CHLSN: variants seen among roughly 807,000 people sequenced by gnomAD.
CHLSN encodes the protein cholesin.
the CHLSN span, among the ~76,000 whole-genome samples, chr7:1,114,022 C>T: frequency 6.6e-6 from 1 of 152,224 alleles, no homozygotes; most frequent in Non-Finnish European, 1.5e-5. Flanking sequence ...AGTTAAATGT[C>T]CTCTTGTTGC....
At chr7:1,086,150 G>A in the CHLSN span, among the ~76,000 whole-genome samples, 2 of 152,268 alleles carry the variant, frequency 1.3e-5, no homozygotes, top group Admixed American at 6.5e-5. Context: ...GCACGTGAGT[G>A]GAGAGCTTGG....
At chr7:980,703 T>C in the CHLSN span, among the ~76,000 whole-genome samples, 4 of 149,538 alleles carry the variant, frequency 2.7e-5, no homozygotes, top group Non-Finnish European at 4.5e-5. Context: ...TTTTTTTTTT[T>C]TTGAGATGGA....
the CHLSN span, among the ~76,000 whole-genome samples, chr7:1,071,137 G>A: frequency 6.6e-6 from 1 of 152,238 alleles, no homozygotes; most frequent in African/African-American, 2.4e-5. Flanking sequence ...TCCACTCATA[G>A]AGGCCCCGCA....
At chr7:1,044,820 G>C in the CHLSN span, among the ~76,000 whole-genome samples, 1 of 152,244 alleles carries the variant, frequency 6.6e-6, no homozygotes, top group African/African-American at 2.4e-5. Flanking sequence ...CCGTGCCCTT[G>C]CCAGGAGGGG....
At chr7:1,000,501 C>A in the CHLSN span, 5 of 1,608,856 alleles carry the variant, frequency 3.1e-6, no homozygotes, top group Non-Finnish European at 4.2e-6. Context: ...CAGCAGGAGC[C>A]ACGTCTGCCT....
the CHLSN span, among the ~76,000 whole-genome samples, chr7:1,018,590 G>A: frequency 2.4e-4 from 37 of 152,334 alleles, no homozygotes; most frequent in East Asian, 6.0e-3. Flanking sequence ...GCACGCGGGC[G>A]GGTGGGGTCC....
chr7:1,041,231 G>GCTGCGGGGAAGGGGACCTGGGCTCCGCA, the CHLSN span, among the ~76,000 whole-genome samples: 2 of 145,492 alleles, frequency 1.4e-5, no homozygotes, highest in Non-Finnish European at 3.1e-5. Context: ...TGGGCTCCGC[G>GCTGCGGGGAAGGGGACCTGGGCTCCGCA]CTGCGGGGAA....
chr7:1,016,894 G>A, the CHLSN span, among the ~76,000 whole-genome samples: 367 of 63,562 alleles, frequency 5.8e-3, 1 homozygote, highest in African/African-American at 0.019. Context: ...ACACACCAGC[G>A]CACAGCAGCA....
At chr7:1,030,526 C>G in the CHLSN span, among the ~76,000 whole-genome samples, 3 of 152,222 alleles carry the variant, frequency 2.0e-5, no homozygotes, top group African/African-American at 7.2e-5. Context: ...TTCCAGCTAC[C>G]CTGCTCTTTG....
the CHLSN span, chr7:1,009,998 G>C: frequency 8.1e-6 from 13 of 1,595,538 alleles, no homozygotes; most frequent in Non-Finnish European, 1.0e-5. Flanking sequence ...CCTGGCAGGC[G>C]GGTGCTGGGC....
the CHLSN span, among the ~76,000 whole-genome samples, chr7:1,104,321 C>T: frequency 2.6e-5 from 4 of 152,200 alleles, no homozygotes; most frequent in Non-Finnish European, 4.4e-5. Context: ...GGTTGCTGGG[C>T]CCAGGACTTC....
chr7:1,126,731 T>G, the CHLSN span, among the ~76,000 whole-genome samples: 2 of 152,212 alleles, frequency 1.3e-5, no homozygotes, highest in African/African-American at 4.8e-5. Context: ...TCACGTGTCT[T>G]TTCAAGTGAA....
At chr7:987,259 G>T in the CHLSN span, 3 of 1,508,460 alleles carry the variant, frequency 2.0e-6, no homozygotes, top group Non-Finnish European at 2.7e-6. Flanking sequence ...AGACCCCGGC[G>T]CCTGGCGAGA....
the CHLSN span, among the ~76,000 whole-genome samples, chr7:1,037,289 G>C: frequency 1.5e-5 from 2 of 137,088 alleles, no homozygotes; most frequent in African/African-American, 2.6e-5. Context: ...TTTTAGAACA[G>C]AAAGGAAGAT....
the CHLSN span, among the ~76,000 whole-genome samples, chr7:1,129,946 C>T: frequency 8.5e-5 from 13 of 152,342 alleles, no homozygotes; most frequent in East Asian, 2.5e-3. Context: ...TTTTCACTTT[C>T]TCCTATCAGG....
At chr7:1,017,750 C>T in the CHLSN span, among the ~76,000 whole-genome samples, 41 of 152,276 alleles carry the variant, frequency 2.7e-4, no homozygotes, top group African/African-American at 9.6e-4. Context: ...CAGCCGCGGA[C>T]GGCGGGGAAG....
chr7:1,101,960 A>T, the CHLSN span, among the ~76,000 whole-genome samples: 2,586 of 152,348 alleles, frequency 0.017, 92 homozygotes, highest in East Asian at 0.17. Context: ...CCGAGCCAGG[A>T]ACAAGCTGCA....
the CHLSN span, among the ~76,000 whole-genome samples, chr7:1,086,037 C>T: frequency 6.6e-6 from 1 of 152,324 alleles, no homozygotes; most frequent in East Asian, 1.9e-4. Context: ...AGGCTGCGCT[C>T]CAAGACCCAG....
At chr7:1,122,244 A>C in the CHLSN span, among the ~76,000 whole-genome samples, 1 of 152,360 alleles carries the variant, frequency 6.6e-6, no homozygotes, top group South Asian at 2.1e-4. Flanking sequence ...TGGGGACGGA[A>C]AGTGTTGCAC....
Sources: allele counts gnomAD v4.1 joint callset (sites outside exome capture counted in the v4.1 genomes callset), GRCh38; gene constraint gnomAD v4.1.1; transcripts MANE v1.5; gene names NCBI Gene and HGNC (gene_info 2026-07-23, HGNC 2026-07-21).